The following DLG2 variants were observed in gnomAD, a reference collection of about 807,000 sequenced individuals.
DLG2 encodes disks large homolog 2.
DLG2 carries 45 observed loss-of-function variants against 132.5 expected under a neutral mutation model. The ratio of observed to expected loss-of-function variants is 0.34; its 90% CI spans 0.27 to 0.44. The LOEUF (loss-of-function observed/expected upper bound fraction) is 0.44. Among genes scored for constraint, DLG2 ranks in the 20% least tolerant of loss-of-function variants. The pLI, the probability that DLG2 is intolerant of heterozygous loss-of-function variation, is 1.00. For synonymous variants in DLG2, 424 were observed against 419.6 expected, an observed-to-expected ratio of 1.01 and a Z score of -0.13; for missense variants, 1,045 against 1,196.9, an observed-to-expected ratio of 0.87 and a Z score of 1.87.
At chr11:84,773,631 T>C (rs1010880247) in intron 6 of DLG2, among the ~76,000 whole-genome samples, 3 of 152,008 alleles carry the variant, frequency 2.0e-5, no homozygotes, top group Non-Finnish European at 4.4e-5. Flanking sequence ...TGCAAACCCA[T>C]GCAAATAATA....
intron 9 of DLG2, among the ~76,000 whole-genome samples, chr11:84,150,763 T>C (rs2095268793): frequency 6.6e-6 from 1 of 152,176 alleles, no homozygotes; most frequent in South Asian, 2.1e-4. Context: ...ATGGCTCTTA[T>C]TATTTTGAGG....
At chr11:83,880,845 C>G (rs1488005202) in intron 15 of DLG2, among the ~76,000 whole-genome samples, 1 of 152,110 alleles carries the variant, frequency 6.6e-6, no homozygotes, top group Non-Finnish European at 1.5e-5. Context: ...GGCGTGATAC[C>G]CATCTGTCCA....
chr11:85,226,566 A>G (rs2074990885), intron 4 of DLG2, among the ~76,000 whole-genome samples: 1 of 152,168 alleles, frequency 6.6e-6, no homozygotes, highest in African/African-American at 2.4e-5. Context: ...AAAAGAAAAG[A>G]AAAAACATAC....
At chr11:85,608,495 C>T (rs2080752297) in intron 2 of DLG2, among the ~76,000 whole-genome samples, 1 of 152,130 alleles carries the variant, frequency 6.6e-6, no homozygotes, top group African/African-American at 2.4e-5. Context: ...AAGGAGAATA[C>T]ATAACTATGC....
intron 7 of DLG2, among the ~76,000 whole-genome samples, chr11:84,427,944 G>A (rs745969760): frequency 1.9e-4 from 29 of 152,170 alleles, no homozygotes; most frequent in Non-Finnish European, 4.0e-4. Flanking sequence ...GTATGATAGG[G>A]AAAATCAATC....
At chr11:84,376,402 A>T (rs2098729065) in intron 7 of DLG2, among the ~76,000 whole-genome samples, 1 of 151,960 alleles carries the variant, frequency 6.6e-6, no homozygotes, top group Non-Finnish European at 1.5e-5. Flanking sequence ...ATGTAGGATC[A>T]CATTGACCTT....
chr11:84,130,469 A>T (rs1175619733), intron 9 of DLG2, among the ~76,000 whole-genome samples: 1 of 140,698 alleles, frequency 7.1e-6, no homozygotes, highest in Non-Finnish European at 1.6e-5. Flanking sequence ...ATTATCAAAC[A>T]TCAAACATGT....
intron 3 of DLG2, among the ~76,000 whole-genome samples, chr11:85,457,991 T>A (rs139064197): frequency 4.1e-4 from 62 of 152,302 alleles, no homozygotes; most frequent in African/African-American, 1.4e-3. Context: ...TTTAGTGAGG[T>A]TGGGGAAGCT....
chr11:84,136,856 C>G (rs188001614), intron 9 of DLG2, among the ~76,000 whole-genome samples: 14 of 152,216 alleles, frequency 9.2e-5, no homozygotes, highest in Non-Finnish European at 1.5e-4. Context: ...ATCTATTGCA[C>G]TTACTCTACT....
chr11:85,076,775 T>G (rs1180603771), intron 6 of DLG2, among the ~76,000 whole-genome samples: 1 of 152,018 alleles, frequency 6.6e-6, no homozygotes. Context: ...CTCTGGTACT[T>G]TAACGTTGGC....
At chr11:84,555,973 A>G (rs1367535) in intron 6 of DLG2, among the ~76,000 whole-genome samples, 40,388 of 152,082 alleles carry the variant, frequency 0.27, 5,733 homozygotes, top group South Asian at 0.38. Flanking sequence ...CAATGAGCTC[A>G]GCCCCTGCCC....
chr11:84,731,097 A>G (rs2063099719), intron 6 of DLG2, among the ~76,000 whole-genome samples: 2 of 152,072 alleles, frequency 1.3e-5, no homozygotes, highest in South Asian at 4.1e-4. Context: ...GTTGTATTAC[A>G]TGAATGCTGG....
chr11:83,790,500 G>A (rs2041241369), intron 17 of DLG2: 2 of 1,252,396 alleles, frequency 1.6e-6, no homozygotes. Flanking sequence ...ACTTTGCACT[G>A]AGACATAAAC....
intron 3 of DLG2, among the ~76,000 whole-genome samples, chr11:85,576,242 T>C (rs951448697): frequency 2.6e-5 from 4 of 152,152 alleles, no homozygotes; most frequent in Admixed American, 6.6e-5. Context: ...GAACAGAACA[T>C]GTAAACAAGT....
intron 18 of DLG2, among the ~76,000 whole-genome samples, chr11:83,729,906 T>C (rs1189883356): frequency 1.3e-5 from 2 of 152,358 alleles, no homozygotes; most frequent in East Asian, 1.9e-4. Flanking sequence ...GAAAGCATGA[T>C]ACTTTATACA....
intron 3 of DLG2, among the ~76,000 whole-genome samples, chr11:85,363,817 C>A (rs916663879): frequency 6.6e-5 from 10 of 152,090 alleles, no homozygotes; most frequent in African/African-American, 2.4e-4. Flanking sequence ...CAAAGTATAA[C>A]AATGGTTACT....
intron 6 of DLG2, among the ~76,000 whole-genome samples, chr11:84,886,229 C>T (rs1057442098): frequency 6.6e-6 from 1 of 152,078 alleles, no homozygotes; most frequent in African/African-American, 2.4e-5. Flanking sequence ...TGTCAACTGC[C>T]TCATCCTCTG....
chr11:85,402,431 G>A (rs769255722), intron 3 of DLG2, among the ~76,000 whole-genome samples: 4 of 152,126 alleles, frequency 2.6e-5, no homozygotes, highest in Non-Finnish European at 5.9e-5. Flanking sequence ...ATAGGCATGT[G>A]CAAAGACCCC....
At chr11:84,898,564 T>C (rs990803952) in intron 6 of DLG2, among the ~76,000 whole-genome samples, 2 of 151,962 alleles carry the variant, frequency 1.3e-5, no homozygotes, top group Non-Finnish European at 2.9e-5. Context: ...ATGCCAAATT[T>C]AGAATTATTT....
Sources: allele counts gnomAD v4.1 joint callset (sites outside exome capture counted in the v4.1 genomes callset), GRCh38; gene constraint gnomAD v4.1.1; transcripts MANE v1.5; gene names NCBI Gene and HGNC (gene_info 2026-07-23, HGNC 2026-07-21).